The following MAP2K1 variants were observed in gnomAD, a reference collection of about 807,000 sequenced individuals.
The protein encoded by MAP2K1 is dual specificity mitogen-activated protein kinase kinase 1.
In MAP2K1, 16 loss-of-function variants were observed where a neutral mutation model predicts 46.3. That is an observed-to-expected ratio of 0.35 (90% CI 0.23 to 0.52). The LOEUF is 0.52. Among genes scored for constraint, MAP2K1 ranks in the 20% least tolerant of loss-of-function variants. The pLI is 0.94. For synonymous variants in MAP2K1, 183 were observed against 185.6 expected (o/e 0.99, Z 0.11); for missense variants, 263 against 497.1 (o/e 0.53, Z 4.48).
intron 1 of MAP2K1, among the ~76,000 whole-genome samples, chr15:66,417,337 A>T (rs1312868831): frequency 6.6e-6 from 1 of 152,158 alleles, no homozygotes; most frequent in Non-Finnish European, 1.5e-5. Context: ...TGGGAGGCTT[A>T]GGTGGGTGGA....
At chr15:66,478,910 C>T (rs768945457) in intron 5 of MAP2K1, among the ~76,000 whole-genome samples, 7 of 152,164 alleles carry the variant, frequency 4.6e-5, no homozygotes, top group Non-Finnish European at 7.3e-5. Flanking sequence ...TGACTGCCCA[C>T]ACAGAGCCCA....
In MAP2K1 at chr15:66,491,425, G is replaced by A. The variant is rs545708663; in HGVS notation, c.*810G>A. On this transcript the variant is annotated 3_prime_UTR_variant, in exon 11 of 11. Coordinates refer to ENST00000307102, the MANE Select transcript of MAP2K1 (RefSeq NM_002755.4). The stretch of plus-strand genomic sequence containing the variant: ...AAGTACCAATGCTGTTGTAAACAAC[G>A]TGTATAGTGCCTAAAATTGTATGAA... The A allele has an allele frequency of 1.8e-5, 4 of 228,146 alleles. No individual in the cohort carries two copies. The highest frequency in any genetic ancestry group is 3.6e-4 in the South Asian group (2 of 5,574). 14.1% of individuals were successfully genotyped at this position (228,146 alleles called of 1,614,324 possible).
At chr15:66,420,793 G>GTATA (rs1555414733) in intron 1 of MAP2K1, among the ~76,000 whole-genome samples, 7 of 35,080 alleles carry the variant, frequency 2.0e-4, no homozygotes, top group African/African-American at 4.5e-4. Context: ...ATATATGTGT[G>GTATA]TATATATATG....
chr15:66,432,353 G>A (rs1174890094), intron 1 of MAP2K1, among the ~76,000 whole-genome samples: 1 of 152,236 alleles, frequency 6.6e-6, no homozygotes, highest in African/African-American at 2.4e-5. Context: ...GGAGGTAGAG[G>A]AGGGAGAAAG....
rs1893160849 is a variant in MAP2K1, at chr15:66,489,357, T to G, written c.1022+81T>G. On this transcript the variant is annotated intron_variant, in intron 9 of 10. Transcript: ENST00000307102. ...ACCCCATTTCTGGAAGCACCAGCAT[T>G]GCTTCTGCAGGCAGAGTTTTGCCCT... The G allele has an allele frequency of 4.5e-6, 6 of 1,323,540 alleles. No homozygotes were observed. The South Asian group carries it at 5.9e-5, about 13-fold the overall frequency. 82.0% of individuals were successfully genotyped at this position (1,323,540 alleles called of 1,614,324 possible). A position where few individuals can be genotyped will look rare whatever the true frequency, so the allele number is the denominator to read the frequency against.
At chr15:66,458,770 C>T (rs1276812896) in intron 5 of MAP2K1, among the ~76,000 whole-genome samples, 1 of 152,202 alleles carries the variant, frequency 6.6e-6, no homozygotes, top group Admixed American at 6.5e-5. Context: ...ATCCACTTGT[C>T]TGGGTCTCCC....
chr15:66,394,627 A>G (rs942289683), intron 1 of MAP2K1, among the ~76,000 whole-genome samples: 1 of 151,926 alleles, frequency 6.6e-6, no homozygotes, highest in Non-Finnish European at 1.5e-5. Flanking sequence ...GGCTAATTTT[A>G]AAATTTAGAG....
chr15:66,397,373 T>C (rs921549106), intron 1 of MAP2K1, among the ~76,000 whole-genome samples: 18 of 152,174 alleles, frequency 1.2e-4, no homozygotes, highest in Admixed American at 7.9e-4. Flanking sequence ...TCCTCATTAG[T>C]AGAGTAAGGC....
chr15:66,389,722 G>T (rs945073732), intron 1 of MAP2K1, among the ~76,000 whole-genome samples: 1 of 151,904 alleles, frequency 6.6e-6, no homozygotes, highest in African/African-American at 2.4e-5. Flanking sequence ...CTACAGGCAC[G>T]TGCAACCGTG....
chr15:66,472,869 A>G (rs1243666495), intron 5 of MAP2K1, among the ~76,000 whole-genome samples: 1 of 152,216 alleles, frequency 6.6e-6, no homozygotes, highest in Non-Finnish European at 1.5e-5. Flanking sequence ...TGGTGACCTT[A>G]CTAGAAATTC....
chr15:66,490,319 G>T (rs760680048), intron 10 of MAP2K1, 183 bp from the exon 11 acceptor site: 3 of 703,470 alleles, frequency 4.3e-6, no homozygotes, highest in Non-Finnish European at 2.6e-6. Flanking sequence ...CACAGCTGCT[G>T]TGACTGGTGG....
At chr15:66,443,412 C>A (rs987807830) in intron 4 of MAP2K1, 55 bp downstream of exon 4, 3 of 1,081,242 alleles carry the variant, frequency 2.8e-6, no homozygotes, top group South Asian at 2.5e-5. Flanking sequence ...GTTAATGAGT[C>A]GGTAAGAAAT....
intron 5 of MAP2K1, among the ~76,000 whole-genome samples, chr15:66,466,034 C>T (rs1892456526): frequency 6.6e-6 from 1 of 152,136 alleles, no homozygotes; most frequent in African/African-American, 2.4e-5. Flanking sequence ...ACTTGGGGCT[C>T]CTGGGCCTAT....
chr15:66,420,809 A>ATG lies in MAP2K1; in HGVS notation c.81-14217_81-14216insGT, dbSNP rs1304297201. Among the ~76,000 whole-genome samples the ATG allele has an allele frequency of 6.8e-3, 318 of 46,656 alleles. 67 individuals carry two copies. The highest frequency in any genetic ancestry group is 0.026 in the Middle Eastern group (2 of 78). 30.6% of individuals were successfully genotyped at this position (46,656 alleles called of 152,430 possible). A position where few individuals can be genotyped will look rare whatever the true frequency, so the allele number is the denominator to read the frequency against. On this transcript the variant is annotated intron_variant, in intron 1 of 10. Coordinates refer to ENST00000307102, the MANE Select transcript of MAP2K1 (RefSeq NM_002755.4). ...TATATGTGTGTATATATATGTGTAT[A>ATG]TATATGTGTATATATATATGTGTAT...
chr15:66,404,256 GCAGGAGAATCA>G (rs1230814192), intron 1 of MAP2K1, among the ~76,000 whole-genome samples: 2 of 152,174 alleles, frequency 1.3e-5, no homozygotes, highest in African/African-American at 4.8e-5. Context: ...GGGGGCTGAG[GCAGGAGAATCA>G]CTTGAACCAG....
At chr15:66,479,434 G>C (rs1892861227) in intron 5 of MAP2K1, among the ~76,000 whole-genome samples, 1 of 152,162 alleles carries the variant, frequency 6.6e-6, no homozygotes, top group East Asian at 1.9e-4. Context: ...TGAAGGGGAG[G>C]AACTAGGTGC....
At chr15:66,401,324 A>C (rs1045923049) in intron 1 of MAP2K1, among the ~76,000 whole-genome samples, 1 of 152,288 alleles carries the variant, frequency 6.6e-6, no homozygotes. Flanking sequence ...AAAAGATTGA[A>C]CCAATTTACA....
At chr15:66,411,911 G>C (rs1036444628) in intron 1 of MAP2K1, among the ~76,000 whole-genome samples, 6 of 152,150 alleles carry the variant, frequency 3.9e-5, no homozygotes, top group Admixed American at 2.6e-4. Flanking sequence ...TTTAAGGCAG[G>C]AGAGAGATCT....
chr15:66,393,198 G>A (rs1387418978), intron 1 of MAP2K1, among the ~76,000 whole-genome samples: 1 of 147,120 alleles, frequency 6.8e-6, no homozygotes, highest in Admixed American at 6.8e-5. Flanking sequence ...TTTTTTTTGA[G>A]ACCGAGTCTC....
Sources: allele counts gnomAD v4.1 joint callset (sites outside exome capture counted in the v4.1 genomes callset), GRCh38; gene constraint gnomAD v4.1.1; transcripts MANE v1.5; gene names NCBI Gene and HGNC (gene_info 2026-07-23, HGNC 2026-07-21).